The following WDPCP variants were observed in gnomAD, a reference collection of about 807,000 sequenced individuals.
WDPCP encodes the protein WD repeat-containing and planar cell polarity effector protein fritz homolog.
Under a neutral mutation model 93.1 loss-of-function variants are expected in WDPCP, and 71 were observed. That is an observed-to-expected ratio of 0.76 (90% confidence interval 0.63 to 0.93). The LOEUF (loss-of-function observed/expected upper bound fraction) is 0.93. Among genes scored for constraint, WDPCP ranks in the 40% least tolerant of loss-of-function variants. The pLI, the probability that WDPCP is intolerant of heterozygous loss-of-function variation, is 0.00. For synonymous variants in WDPCP, 315 were observed against 315.0 expected (o/e 1.00, Z 0.00); for missense variants, 844 against 887.4 (o/e 0.95, Z 0.62).
intron 1 of WDPCP, among the ~76,000 whole-genome samples, chr2:63,817,897 C>T (rs977749796): frequency 1.3e-5 from 2 of 152,138 alleles, no homozygotes; most frequent in South Asian, 2.1e-4. Flanking sequence ...ATGTCTTTAC[C>T]GTAGGGCACT....
At chr2:63,334,113 T>C (rs1373229293) in intron 12 of WDPCP, among the ~76,000 whole-genome samples, 2 of 152,220 alleles carry the variant, frequency 1.3e-5, no homozygotes, top group Non-Finnish European at 1.5e-5. Flanking sequence ...TTGTTTACAA[T>C]TGCCGGCTTA....
At chr2:63,786,767 C>T (rs1670471416) in intron 2 of WDPCP, among the ~76,000 whole-genome samples, 1 of 151,912 alleles carries the variant, frequency 6.6e-6, no homozygotes, top group Non-Finnish European at 1.5e-5. Flanking sequence ...GATGTAACAA[C>T]TTACAAAATG....
chr2:63,271,983 C>T (rs2104864220), intron 13 of WDPCP, among the ~76,000 whole-genome samples: 1 of 152,268 alleles, frequency 6.6e-6, no homozygotes, highest in African/African-American at 2.4e-5. Context: ...GACCCACCCA[C>T]CCACCAACCA....
chr2:63,373,170 T>G (rs1286524748), intron 12 of WDPCP, among the ~76,000 whole-genome samples: 1 of 151,896 alleles, frequency 6.6e-6, no homozygotes, highest in Non-Finnish European at 1.5e-5. Context: ...TACTACTATA[T>G]TAGCCCTCTT....
Position 63,203,006 on chromosome 2 carries a change from T to C in WDPCP, c.1916-28174A>G, listed in dbSNP as rs1298017885. Among the ~76,000 whole-genome samples the C allele has an allele frequency of 2.0e-5, 3 of 152,172 alleles. No homozygotes were observed. The East Asian group carries it at 5.8e-4, about 29-fold the overall frequency. On this transcript the variant is annotated intron_variant, in intron 14 of 17. Transcript: ENST00000272321. ...GCCTCAAATTTGTCATATTGTTTCA[T>C]TGTACACACGTACAGAGTCTGTGTT... is the stretch of plus-strand genomic sequence containing the variant.
intron 1 of WDPCP, among the ~76,000 whole-genome samples, chr2:63,528,370 A>G (rs1351985161): frequency 6.6e-6 from 1 of 152,160 alleles, no homozygotes; most frequent in Non-Finnish European, 1.5e-5. Context: ...TAAGTCTTTA[A>G]TCCATCTTGA....
intron 1 of WDPCP, among the ~76,000 whole-genome samples, chr2:63,531,746 G>C (rs1703869058): frequency 6.6e-6 from 1 of 152,178 alleles, no homozygotes; most frequent in African/African-American, 2.4e-5. Context: ...AAACCACAAA[G>C]ATGGGGGGAA....
At chr2:63,148,585 CT>C (rs1671680532) in intron 17 of WDPCP, among the ~76,000 whole-genome samples, 3 of 151,792 alleles carry the variant, frequency 2.0e-5, no homozygotes. Flanking sequence ...AATTTCTGGC[CT>C]CACGTGATCC....
chr2:63,592,465 C>T (rs917980829), upstream of WDPCP, among the ~76,000 whole-genome samples: 3 of 152,202 alleles, frequency 2.0e-5, no homozygotes, highest in African/African-American at 7.2e-5. Context: ...ATTCTCCTAC[C>T]TCAGCCTCCT....
At chr2:63,490,996 A>C (rs1700841898) in intron 2 of WDPCP, among the ~76,000 whole-genome samples, 1 of 152,236 alleles carries the variant, frequency 6.6e-6, no homozygotes, top group African/African-American at 2.4e-5. Flanking sequence ...AAAACATTTC[A>C]ATTAAAAATT....
At chr2:63,428,184 C>CA (rs1696460587) in intron 9 of WDPCP, among the ~76,000 whole-genome samples, 1 of 127,386 alleles carries the variant, frequency 7.9e-6, no homozygotes, top group African/African-American at 2.9e-5. Flanking sequence ...TGAAACTATT[C>CA]CAAAAAAAAA....
intron 12 of WDPCP, among the ~76,000 whole-genome samples, chr2:63,326,333 C>T (rs1687535688): frequency 6.6e-6 from 1 of 152,096 alleles, no homozygotes; most frequent in Non-Finnish European, 1.5e-5. Context: ...CTGACCTTAA[C>T]CTATATGTTG....
At chr2:63,303,117 C>T (rs1225614252) in intron 13 of WDPCP, among the ~76,000 whole-genome samples, 1 of 152,174 alleles carries the variant, frequency 6.6e-6, no homozygotes, top group Non-Finnish European at 1.5e-5. Context: ...CCACCCAAGC[C>T]CCTCAGAGTA....
the WDPCP span, among the ~76,000 whole-genome samples, chr2:63,839,383 C>A: frequency 2.4e-4 from 37 of 152,142 alleles, no homozygotes; most frequent in African/African-American, 7.5e-4. Context: ...CATGGCGAAA[C>A]CCCGCCTCTA....
intron 9 of WDPCP, among the ~76,000 whole-genome samples, chr2:63,409,508 G>C (rs550158138): frequency 3.9e-5 from 6 of 152,224 alleles, no homozygotes; most frequent in Admixed American, 2.0e-4. Context: ...ACCCCCAAAA[G>C]ATCACACTAG....
chr2:63,136,178 C>A (rs2216965), intron 17 of WDPCP, among the ~76,000 whole-genome samples: 136,930 of 152,100 alleles, frequency 0.9, 61,699 homozygotes, highest in South Asian at 0.93. Flanking sequence ...CTCTCTCTCT[C>A]TATATATATT....
At chr2:63,584,771 T>C (rs1708730363) in intron 1 of WDPCP, among the ~76,000 whole-genome samples, 1 of 152,274 alleles carries the variant, frequency 6.6e-6, no homozygotes, top group Middle Eastern at 3.4e-3. Context: ...TGAAGATTTA[T>C]AGAGACCAGG....
intron 1 of WDPCP, among the ~76,000 whole-genome samples, chr2:63,555,722 A>C (rs912952770): frequency 3.3e-5 from 5 of 152,160 alleles, no homozygotes; most frequent in African/African-American, 1.2e-4. Context: ...CAGAGTCTGG[A>C]GTGGACCCCC....
intron 2 of WDPCP, among the ~76,000 whole-genome samples, chr2:63,778,258 A>T (rs1244180789): frequency 6.6e-6 from 1 of 151,104 alleles, no homozygotes; most frequent in Non-Finnish European, 1.5e-5. Flanking sequence ...CCCAGGCTGG[A>T]GTGCAGTGGC....
Sources: gnomAD v4.1 joint callset for allele counts (sites outside exome capture counted in the v4.1 genomes callset) on GRCh38, gnomAD v4.1.1 for gene constraint, MANE v1.5 for transcripts, NCBI Gene and HGNC (gene_info 2026-07-23, HGNC 2026-07-21) for gene names.